The following UNC13A variants were observed in gnomAD, a reference collection of about 807,000 sequenced individuals.
The protein encoded by UNC13A is protein unc-13 homolog A.
Under a neutral mutation model 219.7 loss-of-function variants are expected in UNC13A, and 61 were observed. The observed-to-expected ratio is 0.28, with a 90% confidence interval of 0.23 to 0.34. UNC13A has a LOEUF of 0.34. Ranked by LOEUF, UNC13A falls within the 10% of genes least tolerant of loss-of-function variation. UNC13A has a pLI of 1.00. For synonymous variants in UNC13A, 920 were observed against 884.6 expected (o/e 1.04, Z -0.71); for missense variants, 1,476 against 2,270.3 (o/e 0.65, Z 7.11).
intron 25 of UNC13A, among the ~76,000 whole-genome samples, 163 bp downstream of exon 25, chr19:17,638,920 G>T (rs1281318364): frequency 6.6e-6 from 1 of 152,084 alleles, no homozygotes; most frequent in Non-Finnish European, 1.5e-5. Flanking sequence ...TACAGCTCAT[G>T]AACTCTTCTC....
chr19:17,667,628 C>T (rs1300786880), intron 6 of UNC13A, among the ~76,000 whole-genome samples: 1 of 151,984 alleles, frequency 6.6e-6, no homozygotes, highest in Admixed American at 6.6e-5. Context: ...CGCCCGCCAC[C>T]ATGCCTAGCT....
At chr19:17,608,365 ATAT>A (rs1568496004) in intron 43 of UNC13A, among the ~76,000 whole-genome samples, 1 of 117,798 alleles carries the variant, frequency 8.5e-6, no homozygotes, top group Non-Finnish European at 1.7e-5. Context: ...ATATAAATAT[ATAT>A]TATATATGTA....
intron 41 of UNC13A, among the ~76,000 whole-genome samples, chr19:17,614,821 GCCGC>G (rs2076644955): frequency 6.6e-6 from 1 of 152,064 alleles, no homozygotes; most frequent in Admixed American, 6.5e-5. Flanking sequence ...CACATGCTCA[GCCGC>G]CCCGCCCTCC....
intron 25 of UNC13A, among the ~76,000 whole-genome samples, chr19:17,638,564 C>T (rs1036191033): frequency 7.9e-5 from 12 of 151,996 alleles, no homozygotes; most frequent in Admixed American, 2.6e-4. Flanking sequence ...TGGTGGCTCA[C>T]GCCTATAATC....
Position 17,674,700 on chromosome 19 carries a change from C to T in UNC13A, c.109G>A (p.Ala37Thr), listed in dbSNP as rs762018926. 31 of 1,613,876 alleles carry T rather than the reference C, an allele frequency of 1.9e-5. No individual in the cohort carries two copies. The highest frequency in any genetic ancestry group is 3.3e-5 in the Admixed American group (2 of 60,016). The change falls in exon 3 of 44, where the codon GCG becomes ACG. Residue 37 changes from alanine to threonine, a missense_variant. Physicochemically the swap from Ala to Thr is moderately conservative, Grantham distance 58. This residue lies in a region of UNC13A where 203 missense variants were observed against 301.6 expected (regional missense o/e 0.67). Transcript: ENST00000519716. This position sits in a 1 kb window ranked among gnomAD's most constrained non-coding sequence, Gnocchi z 5.0. Reference protein sequence around the residue: ...KVQNVKSTTIAVRGSQPSWEQ... With the variant: ...KVQNVKSTTITVRGSQPSWEQ... Reference sequence around the variant, plus strand: ...CAGCTGGGCTGGCTGCCCCGCACCGCGATGGTCGTGCTCTTGACATTCTGC... The same window carrying T: ...CAGCTGGGCTGGCTGCCCCGCACCGTGATGGTCGTGCTCTTGACATTCTGC...
chr19:17,681,939 ACAT>A (rs959045008), intron 1 of UNC13A, among the ~76,000 whole-genome samples: 1 of 141,550 alleles, frequency 7.1e-6, no homozygotes, highest in Non-Finnish European at 1.5e-5. Context: ...ATTAATAAAA[ACAT>A]CATCATTGAT....
chr19:17,618,990 A>G (rs1270261814), intron 38 of UNC13A, 28 bp from the exon 39 acceptor site: 1 of 1,612,066 alleles, frequency 6.2e-7, no homozygotes, highest in Non-Finnish European at 8.5e-7. Context: ...CAGCTGGGTG[A>G]GGGCAGGGGT....
At chr19:17,648,890 G>A (rs764146380) in intron 15 of UNC13A, 22 bp downstream of exon 15, 8 of 1,575,660 alleles carry the variant, frequency 5.1e-6, no homozygotes, top group Non-Finnish European at 6.0e-6. Context: ...CTGACCCGGG[G>A]AAAAAGAGGT....
chr19:17,618,901 C>T lies in UNC13A; in HGVS notation c.4329+5G>A, dbSNP rs1220414668. On this transcript the variant is annotated splice_donor_5th_base_variant and intron_variant, in intron 39 of 43. Transcript: ENST00000519716. ...CTCACGCCATAATCTATCCCCACTC[C>T]TCACCTTGAGTTTGGACAGCTGACC... 2 of 1,613,860 alleles carry T rather than the reference C, an allele frequency of 1.2e-6. No homozygotes were observed. Among genetic ancestry groups the T allele is most frequent in the South Asian group, 1.1e-5 (1 of 91,086 alleles).
chr19:17,617,682 T>C lies in UNC13A; in HGVS notation c.4558+20A>G, dbSNP rs1402321956. On this transcript the variant is annotated intron_variant, in intron 41 of 43. Transcript: ENST00000519716. ...GTCTCCGCGGAGCGGGAAAGGGTGA[T>C]GCGGTCTGGGTACCCTTACCCTGGG... 6.2e-7 allele frequency: 1 copy of C among 1,609,294 alleles called. No individual in the cohort carries two copies. The highest frequency in any genetic ancestry group is 1.1e-5 in the South Asian group (1 of 91,032).
intron 22 of UNC13A, 52 bp from the exon 23 acceptor site, chr19:17,639,960 A>G (rs2076950854): frequency 2.5e-6 from 4 of 1,586,506 alleles, no homozygotes; most frequent in Non-Finnish European, 3.5e-6. Context: ...CATGGCCGCC[A>G]TAGTGGCTGA....
At chr19:17,618,781 T>A (rs1487672058) in intron 39 of UNC13A, 125 bp downstream of exon 39, 1 of 943,822 alleles carries the variant, frequency 1.1e-6, no homozygotes, top group Admixed American at 1.9e-5. Flanking sequence ...GAGTAGAGTT[T>A]CTGTCCTTTG....
intron 36 of UNC13A, 148 bp downstream of exon 36, chr19:17,623,394 A>C: frequency 1.7e-6 from 1 of 598,820 alleles, no homozygotes; most frequent in Non-Finnish European, 2.8e-6. Flanking sequence ...CCCGCCCCAG[A>C]CAGACACAGG....
In UNC13A at chr19:17,624,937, G is replaced by C. The variant is rs1750589650; in HGVS notation, c.4089C>G (p.Ala1363=). 1 of 1,613,468 alleles carries C rather than the reference G, an allele frequency of 6.2e-7. No individual in the cohort carries two copies. The highest frequency in any genetic ancestry group is 1.1e-5 in the South Asian group (1 of 91,056). ...TCAGCACAGTCTTCTCACAGATTTT[G>C]GCAAAGAGGGTCAGGCTGGGGACGA... The part of the protein sequence containing the change: ...DLLDSNLTLF[A]KICEKTVLKR... Residue 1363 remains alanine, a synonymous_variant, in exon 35 of 44, where the codon GCC becomes GCG. Coordinates refer to ENST00000519716, the MANE Select transcript of UNC13A (RefSeq NM_001080421.3).
At chr19:17,686,899 A>T (rs371238720) in intron 1 of UNC13A, among the ~76,000 whole-genome samples, 10 of 152,048 alleles carry the variant, frequency 6.6e-5, no homozygotes, top group African/African-American at 2.4e-4. Flanking sequence ...AGGCAGCAGG[A>T]GTTCAGCACA....
chr19:17,652,671 C>T lies in UNC13A; in HGVS notation c.1399G>A (p.Gly467Arg). 1 of 1,613,726 alleles carries T rather than the reference C, an allele frequency of 6.2e-7. No homozygotes were observed. The highest frequency in any genetic ancestry group is 8.5e-7 in the Non-Finnish European group (1 of 1,179,742). Residue 467 changes from glycine (G) to arginine (R), a missense_variant, in exon 12 of 44, where the codon GGA becomes AGA. Gly to Arg is a moderately radical substitution (Grantham distance 125). Around this residue, in one of 14 missense-constraint regions of UNC13A, gnomAD observed 351 missense variants for 342.6 expected, o/e 1.02. Transcript: ENST00000519716. The part of the protein sequence containing the change: ...KVRMQLQEAR[G>R]EGEMSKSLWF... ...AGGGATTTAGACATCTCTCCTTCTC[C>T]CCGGGCCTGCAGGACAGACAGACAG... is the stretch of plus-strand genomic sequence containing the variant.
rs377208330 is a variant in UNC13A, at chr19:17,674,701, G to C, written c.108C>G (p.Ile36Met). 1.2e-6 allele frequency: 2 copies of C among 1,613,916 alleles called. No homozygotes were observed. Among genetic ancestry groups the C allele is most frequent in the Non-Finnish European group, 1.7e-6 (2 of 1,179,892 alleles). ...AGCTGGGCTGGCTGCCCCGCACCGC[G>C]ATGGTCGTGCTCTTGACATTCTGCA... The part of the protein sequence containing the change: ...LKVQNVKSTT[I>M]AVRGSQPSWE... Residue 36 changes from isoleucine (I) to methionine (M), a missense_variant, in exon 3 of 44, where the codon ATC becomes ATG. This residue lies in a region of UNC13A where 203 missense variants were observed against 301.6 expected (regional missense o/e 0.67). Transcript: ENST00000519716. This position sits in a 1 kb window ranked among gnomAD's most constrained non-coding sequence, Gnocchi z 5.0.
At position 17,631,154 on chromosome 19, in the gene UNC13A, TCTCC is replaced by T. The variant is rs202161270; in HGVS notation, c.3429-408_3429-405del. 1.1e-3 allele frequency among the ~76,000 whole-genome samples: 49 copies of T among 43,908 alleles called. 1 individual carries two copies. Among genetic ancestry groups the T allele is most frequent in the African/African-American group, 2.6e-3 (22 of 8,518 alleles). 28.8% of individuals were successfully genotyped at this position (43,908 alleles called of 152,430 possible). On this transcript the variant is annotated intron_variant, in intron 28 of 43. Transcript: ENST00000519716. ...GGGTTTATTCTCTGAGCTCTTGTTT[TCTCC>T]CTCCCTCCCTCCCTCCCTCCTTTCC...
rs1288227853 is a variant in UNC13A, at chr19:17,618,977, A to G, written c.4273-15T>C. The G allele has an allele frequency of 1.9e-6, 3 of 1,613,700 alleles. No homozygotes were observed. Among genetic ancestry groups the G allele is most frequent in the East Asian group, 4.5e-5 (2 of 44,896 alleles). On this transcript the variant is annotated splice_polypyrimidine_tract_variant and intron_variant, in intron 38 of 43. Transcript: ENST00000519716. ...ATCTGGGTTCCCTGCAGGTAACAAC[A>G]TACAGCTGGGTGAGGGCAGGGGTGC...
Sources: gnomAD v4.1 joint callset for allele counts (sites outside exome capture counted in the v4.1 genomes callset) on GRCh38, gnomAD v4.1.1 for gene constraint, gnomAD v4.1.1 regional missense constraint, Gnocchi (gnomAD v3.1) non-coding constraint, MANE v1.5 for transcripts, NCBI Gene and HGNC (gene_info 2026-07-23, HGNC 2026-07-21) for gene names.